Variants in PRRC2C observed in about 807,000 individuals in gnomAD.
PRRC2C encodes proline rich coiled-coil 2C.
In PRRC2C, 72 loss-of-function variants were observed where a neutral mutation model predicts 317.2. That is an observed-to-expected ratio of 0.23 (90% CI 0.19 to 0.28). The LOEUF (loss-of-function observed/expected upper bound fraction) is 0.28. PRRC2C is among the 10% of genes least tolerant of loss of function. The probability of loss-of-function intolerance (pLI) is 1.00; values close to 1 mark genes in which losing one functional copy is unlikely to be tolerated. For missense variants in PRRC2C, 3,074 were observed against 3,459.7 expected (o/e 0.89, Z 2.80); for synonymous variants, 1,296 against 1,205.9 (o/e 1.07, Z -1.55).
At chr1:171,549,537 A>G (rs1679791028) in intron 17 of PRRC2C, among the ~76,000 whole-genome samples, 5 of 152,184 alleles carry the variant, frequency 3.3e-5, no homozygotes. Context: ...AAGGAAAAGA[A>G]AAAAGACCTA....
chr1:171,569,575 AAT>A lies in PRRC2C; in HGVS notation c.6651+1253_6651+1254del, dbSNP rs60832207. 5.7e-3 allele frequency among the ~76,000 whole-genome samples: 342 copies of A among 60,142 alleles called. 37 individuals carry two copies. The highest frequency in any genetic ancestry group is 0.017 in the African/African-American group (302 of 17,840). 39.5% of individuals were successfully genotyped at this position (60,142 alleles called of 152,430 possible). A position where few individuals can be genotyped will look rare whatever the true frequency, so the allele number is the denominator to read the frequency against. On this transcript the variant is annotated intron_variant, in intron 23 of 34. Transcript: ENST00000647382. ...CCCCCACTTTTATGAAAGTGGTTTA[AAT>A]ATATATATATATATATGGTTTTTTT...
rs1557932852 is a variant in PRRC2C at position 171,532,638 on chromosome 1, GTGAGAAAGAACT to G, written c.1554_1565del (p.Leu521_Glu524del). ...AGGGAGCGAGAAAAAGAACGGGAGC[GTGAGAAAGAACT>G]TGAAAAAGAACAAGAACAGGAGCGA... On this transcript the variant is annotated inframe_deletion, in exon 12 of 35. Coordinates refer to ENST00000647382, the MANE Select transcript of PRRC2C (RefSeq NM_001387844.1). 1 of 1,551,790 alleles carries G rather than the reference GTGAGAAAGAACT, an allele frequency of 6.4e-7. No homozygotes were observed. Among genetic ancestry groups the G allele is most frequent in the South Asian group, 1.2e-5 (1 of 84,030 alleles).
chr1:171,553,327 T>C lies in PRRC2C; in HGVS notation c.5127+3087T>C, dbSNP rs183809437. Among the ~76,000 whole-genome samples the C allele has an allele frequency of 3.8e-3, 586 of 152,290 alleles. 3 individuals are homozygous for C. The highest frequency in any genetic ancestry group is 0.013 in the African/African-American group (535 of 41,548). On this transcript the variant is annotated intron_variant, in intron 18 of 34. Transcript: ENST00000647382. ...GTGATATCCCCTTTATCAATTTTTA[T>C]TGCGTCTATTTGATTCTTCTCTCTT...
intron 9 of PRRC2C, among the ~76,000 whole-genome samples, chr1:171,524,335 T>C (rs1674162435): frequency 6.6e-6 from 1 of 152,222 alleles, no homozygotes. Context: ...TTTTAAAATA[T>C]ATGGAAGTTT....
intron 15 of PRRC2C, among the ~76,000 whole-genome samples, chr1:171,537,994 G>A (rs926078636): frequency 2.0e-5 from 3 of 152,020 alleles, no homozygotes; most frequent in South Asian, 2.1e-4. Context: ...TCTGCCTCCC[G>A]GGTTCACACC....
At position 171,535,616 on chromosome 1, in the gene PRRC2C, T is replaced by C. The variant is rs778337354; in HGVS notation, c.2043+19T>C. On this transcript the variant is annotated intron_variant, in intron 13 of 34. Coordinates refer to ENST00000647382, the MANE Select transcript of PRRC2C (RefSeq NM_001387844.1). ...GCAGCAGGTAATGATAAAAATATTT[T>C]ATCATGTATGTGTGATTGAAGTGGT... The C allele has an allele frequency of 1.1e-5, 18 of 1,610,558 alleles. No individual in the cohort carries two copies. In the East Asian group the frequency reaches 4.0e-4, roughly 36 times the overall value.
chr1:171,517,479 C>G, intron 5 of PRRC2C, 112 bp from the exon 6 acceptor site: 2 of 984,538 alleles, frequency 2.0e-6, no homozygotes, highest in Non-Finnish European at 3.0e-6. Context: ...TAGACTTTTC[C>G]TGCTCTTTCA....
chr1:171,585,601 C>A (rs2102868444), intron 30 of PRRC2C, among the ~76,000 whole-genome samples: 1 of 152,248 alleles, frequency 6.6e-6, no homozygotes, highest in East Asian at 1.9e-4. Flanking sequence ...TTTTGACCAG[C>A]CTTGAAAGTA....
chr1:171,532,886 G>A lies in PRRC2C; in HGVS notation c.1798G>A (p.Glu600Lys). 6.3e-7 allele frequency: 1 copy of A among 1,582,440 alleles called. No homozygotes were observed. Among genetic ancestry groups the A allele is most frequent in the Non-Finnish European group, 8.5e-7 (1 of 1,172,666 alleles). ...GGAGAAGGAAAGGGAAAAATTAGAG[G>A]AGAAAATTGAACCCAGAGAACCTAA... is the stretch of plus-strand genomic sequence containing the variant. ...ELEKEREKLEEKIEPREPNLE... is the reference protein window; with the variant it reads ...ELEKEREKLEKKIEPREPNLE... The change falls in exon 12 of 35, where the codon GAG (glutamate) becomes AAG (lysine). Residue 600 changes from glutamate (E) to lysine (K), a missense_variant. Physicochemically the swap from Glu to Lys is moderately conservative, Grantham distance 56 (BLOSUM62 1). Coordinates refer to ENST00000647382, the MANE Select transcript of PRRC2C (RefSeq NM_001387844.1).
chr1:171,501,272 A>AG (rs1330530515), intron 1 of PRRC2C, among the ~76,000 whole-genome samples: 1 of 152,180 alleles, frequency 6.6e-6, no homozygotes, highest in Non-Finnish European at 1.5e-5. Flanking sequence ...CTGGGACTGC[A>AG]GGTGCCCGCC....
At chr1:171,520,948 G>A (rs766422088) in intron 6 of PRRC2C, among the ~76,000 whole-genome samples, 59 of 151,958 alleles carry the variant, frequency 3.9e-4, no homozygotes, top group Non-Finnish European at 5.7e-4. Flanking sequence ...GGGATTACAG[G>A]CACGCCCACC....
chr1:171,505,036 T>G (rs1669918459), intron 1 of PRRC2C, among the ~76,000 whole-genome samples: 1 of 151,710 alleles, frequency 6.6e-6, no homozygotes, highest in Admixed American at 6.6e-5. Flanking sequence ...ATTTTTTTTT[T>G]TTTTTTTTGA....
At chr1:171,494,372 ACCAT>A (rs936012382) in intron 1 of PRRC2C, among the ~76,000 whole-genome samples, 5 of 152,204 alleles carry the variant, frequency 3.3e-5, no homozygotes, top group African/African-American at 1.2e-4. Flanking sequence ...TTAAAAAATG[ACCAT>A]TTTGGATGTT....
intron 29 of PRRC2C, 90 bp from the exon 30 acceptor site, chr1:171,584,329 G>A (rs1367179650): frequency 1.3e-5 from 17 of 1,354,578 alleles, no homozygotes; most frequent in Non-Finnish European, 1.6e-5. Context: ...ACTAAAAATT[G>A]CTAGACATTG....
intron 1 of PRRC2C, among the ~76,000 whole-genome samples, chr1:171,497,694 C>G (rs1668375944): frequency 6.6e-6 from 1 of 152,154 alleles, no homozygotes; most frequent in Non-Finnish European, 1.5e-5. Flanking sequence ...GTCTTGAACT[C>G]CTGGGCTCAA....
rs1403978755 is a variant in PRRC2C, at chr1:171,566,329, C to T, written c.6214C>T (p.Pro2072Ser). Residue 2072 changes from proline (P) to serine (S), a missense_variant, in exon 21 of 35, where the codon CCT becomes TCT. By Grantham distance (74) the Pro-to-Ser change is moderately conservative. Around this residue, in one of 11 missense-constraint regions of PRRC2C, gnomAD observed 640 missense variants for 676.1 expected, o/e 0.95. Coordinates refer to ENST00000647382, the MANE Select transcript of PRRC2C (RefSeq NM_001387844.1). The stretch of plus-strand genomic sequence containing the variant: ...AAATGGAAATGAAAATGAAGTTGTT[C>T]CTGTGCTTTCGGAAAAATCTGCTGA... ...ASNGNENEVVPVLSEKSADKI... is the reference protein window; with the variant it reads ...ASNGNENEVVSVLSEKSADKI... The T allele has an allele frequency of 6.2e-7, 1 of 1,603,748 alleles. No homozygotes were observed. The highest frequency in any genetic ancestry group is 1.3e-5 in the African/African-American group (1 of 74,748).
chr1:171,540,334 T>G lies in PRRC2C; in HGVS notation c.2868T>G (p.Ile956Met). 6.2e-7 allele frequency: 1 copy of G among 1,613,366 alleles called. No individual in the cohort carries two copies. Among genetic ancestry groups the G allele is most frequent in the Non-Finnish European group, 8.5e-7 (1 of 1,179,718 alleles). Residue 956 changes from isoleucine (I) to methionine (M), a missense_variant, in exon 16 of 35, where the codon ATT becomes ATG. This residue lies in a region of PRRC2C where 1,320 missense variants were observed against 1,395.7 expected (regional missense o/e 0.95). Coordinates refer to ENST00000647382, the MANE Select transcript of PRRC2C (RefSeq NM_001387844.1). ...AGIPKVTSRC[I>M]DSKEPIERPE... Reference sequence around the variant, plus strand: ...TTCCTAAAGTAACCAGCAGATGCATTGATTCAAAAGAACCAATAGAAAGGC... The same window carrying G: ...TTCCTAAAGTAACCAGCAGATGCATGGATTCAAAAGAACCAATAGAAAGGC...
chr1:171,537,144 G>A lies in PRRC2C; in HGVS notation c.2294-119G>A. On this transcript the variant is annotated intron_variant, in intron 14 of 34. Coordinates refer to ENST00000647382, the MANE Select transcript of PRRC2C (RefSeq NM_001387844.1). ...CCAATCTTTTACTCAGGAAAAAAAT[G>A]CTTTTAATATGGAGAATTCCACCTA... 9.4e-6 allele frequency: 7 copies of A among 742,006 alleles called. 1 individual carries two copies. The South Asian group carries it at 1.4e-4, about 15-fold the overall frequency. The allele number at this position is 742,006 out of a possible 1,614,324, so 46.0% of individuals were successfully genotyped here.
chr1:171,490,165 C>T (rs1280146097), intron 1 of PRRC2C, among the ~76,000 whole-genome samples: 1 of 152,200 alleles, frequency 6.6e-6, no homozygotes, highest in Non-Finnish European at 1.5e-5. Context: ...GATCCGCCCA[C>T]CTTGGCCTCC....
Sources: gnomAD v4.1 joint callset for allele counts (sites outside exome capture counted in the v4.1 genomes callset) on GRCh38, gnomAD v4.1.1 for gene constraint, gnomAD v4.1.1 regional missense constraint, MANE v1.5 for transcripts, NCBI Gene and HGNC (gene_info 2026-07-23, HGNC 2026-07-21) for gene names.